The following OR13C8 variants were observed in gnomAD, a reference collection of about 807,000 sequenced individuals.
The protein encoded by OR13C8 is olfactory receptor 13C8.
For synonymous variants in OR13C8, 149 were observed against 143.6 expected (o/e 1.04, Z -0.27); for missense variants, 382 against 388.1 (o/e 0.98, Z 0.13).
rs1564215376 is a variant in OR13C8, at chr9:104,569,391, GTTCCTCTGTCCCAC to G, written c.226_239del (p.Ser76AsnfsTer91). On this transcript the variant is annotated frameshift_variant, in exon 1 of 1. Transcript: ENST00000335040. LOFTEE classifies it low-confidence loss of function (END_TRUNC). The stretch of plus-strand genomic sequence containing the variant: ...TCCTTCCTCGACGTTTGCTACACAA[GTTCCTCTGTCCCAC>G]TAATTCTTGCCAGCTTTCTGGCAGT... 1.1e-5 allele frequency: 18 copies of G among 1,614,188 alleles called. No individual in the cohort carries two copies. In the Middle Eastern group the frequency reaches 2.0e-3, roughly 178 times the overall value.
chr9:104,570,047 C>G lies in OR13C8; in HGVS notation c.880C>G (p.Leu294Val). Residue 294 changes from leucine to valine, a missense_variant, in exon 1 of 1, where the codon CTC becomes GTC. Physicochemically the swap from Leu to Val is conservative, Grantham distance 32 (BLOSUM62 1). Coordinates refer to ENST00000335040, the MANE Select transcript of OR13C8 (RefSeq NM_001004483.1). The part of the protein sequence containing the change: ...YGVMTPMLNP[L>V]IYSLRNKDVK... ...AGTGATGACTCCCATGCTTAATCCTCTCATCTATAGTCTGCGAAACAAGGA... is the reference window on the plus strand; with the variant it reads ...AGTGATGACTCCCATGCTTAATCCTGTCATCTATAGTCTGCGAAACAAGGA... 6.2e-7 allele frequency: 1 copy of G among 1,614,148 alleles called. No individual in the cohort carries two copies. The highest frequency in any genetic ancestry group is 8.5e-7 in the Non-Finnish European group (1 of 1,179,996).
chr9:104,570,034 C>A lies in OR13C8; in HGVS notation c.867C>A (p.Pro289=), dbSNP rs1829160714. ...LISLFYGVMT[P]MLNPLIYSLR... ...CCCTTTTCTATGGAGTGATGACTCC[C>A]ATGCTTAATCCTCTCATCTATAGTC... Residue 289 remains proline, a synonymous_variant, in exon 1 of 1, where the codon CCC becomes CCA. Transcript: ENST00000335040. The A allele has an allele frequency of 6.2e-7, 1 of 1,613,796 alleles. No individual in the cohort carries two copies. Among genetic ancestry groups the A allele is most frequent in the African/African-American group, 1.3e-5 (1 of 74,924 alleles).
chr9:104,569,278 G>T lies in OR13C8; in HGVS notation c.111G>T (p.Met37Ile), dbSNP rs760503352. The change falls in exon 1 of 1, where the codon ATG becomes ATT. Residue 37 changes from methionine (M) to isoleucine (I), a missense_variant. Transcript: ENST00000335040. ...FFVLILWMYL[M>I]ILLGNGVLIS... ...TTCTAATTTTGTGGATGTACCTGAT[G>T]ATCCTGCTTGGAAATGGAGTCCTTA... is the stretch of plus-strand genomic sequence containing the variant. 6.2e-7 allele frequency: 1 copy of T among 1,614,142 alleles called. No individual in the cohort carries two copies. The highest frequency in any genetic ancestry group is 8.5e-7 in the Non-Finnish European group (1 of 1,180,014).
At position 104,569,257 on chromosome 9, in the gene OR13C8, A is replaced by G; in HGVS notation, c.90A>G (p.Leu30=). 1 of 1,614,108 alleles carries G rather than the reference A, an allele frequency of 6.2e-7. No homozygotes were observed. The highest frequency in any genetic ancestry group is 8.5e-7 in the Non-Finnish European group (1 of 1,180,022). The change falls in exon 1 of 1, where the codon CTA becomes CTG. Residue 30 remains leucine, a synonymous_variant. Transcript: ENST00000335040. ...AGCTCCAGACAGTTTTCTTCGTTCT[A>G]ATTTTGTGGATGTACCTGATGATCC... is the stretch of plus-strand genomic sequence containing the variant. ...HPKLQTVFFV[L]ILWMYLMILL... is the part of the protein sequence containing the mutation.
Position 104,569,853 on chromosome 9 carries a change from C to A in OR13C8, c.686C>A (p.Pro229His). Residue 229 changes from proline to histidine, a missense_variant, in exon 1 of 1, where the codon CCT becomes CAT. Transcript: ENST00000335040. The part of the protein sequence containing the change: ...IFIVATILRI[P>H]STEGKHKAFS... ...ATTGTTGCCACTATTCTGAGGATTC[C>A]TTCCACTGAAGGAAAACATAAGGCC... The A allele has an allele frequency of 6.2e-7, 1 of 1,614,100 alleles. No homozygotes were observed. The highest frequency in any genetic ancestry group is 8.5e-7 in the Non-Finnish European group (1 of 1,180,006).
Position 104,569,207 on chromosome 9 carries a change from C to G in OR13C8, c.40C>G (p.Leu14Val). The change falls in exon 1 of 1, where the codon CTG (leucine) becomes GTG (valine). Residue 14 changes from leucine (L) to valine (V), a missense_variant. Transcript: ENST00000335040. ...TNDSTSTEFF[L>V]VGLSAHPKLQ... ...CGATTCCACGTCGACAGAATTTTTC[C>G]TGGTAGGGCTTTCTGCCCACCCAAA... 6.2e-7 allele frequency: 1 copy of G among 1,613,556 alleles called. No homozygotes were observed. The highest frequency in any genetic ancestry group is 1.3e-5 in the African/African-American group (1 of 74,956).
chr9:104,569,876 G>A lies in OR13C8; in HGVS notation c.709G>A (p.Ala237Thr). The A allele has an allele frequency of 6.2e-7, 1 of 1,614,070 alleles. No homozygotes were observed. Among genetic ancestry groups the A allele is most frequent in the Non-Finnish European group, 8.5e-7 (1 of 1,180,018 alleles). Residue 237 changes from alanine to threonine, a missense_variant, in exon 1 of 1, where the codon GCC (alanine) becomes ACC (threonine). Physicochemically the swap from Ala to Thr is moderately conservative, Grantham distance 58. Coordinates refer to ENST00000335040, the MANE Select transcript of OR13C8 (RefSeq NM_001004483.1). ...TCCTTCCACTGAAGGAAAACATAAG[G>A]CCTTCTCCACCTGCTCAGCCCACCT... is the stretch of plus-strand genomic sequence containing the variant. Reference protein sequence around the residue: ...RIPSTEGKHKAFSTCSAHLTV... With the variant: ...RIPSTEGKHKTFSTCSAHLTV...
chr9:104,569,456 T>C lies in OR13C8; in HGVS notation c.289T>C (p.Cys97Arg), dbSNP rs868190039. The C allele has an allele frequency of 1.2e-6, 2 of 1,614,144 alleles. No homozygotes were observed. Among genetic ancestry groups the C allele is most frequent in the Middle Eastern group, 3.3e-4 (2 of 6,062 alleles). The change falls in exon 1 of 1, where the codon TGT (cysteine) becomes CGT (arginine). Residue 97 changes from cysteine (C) to arginine (R), a missense_variant. Physicochemically the swap from Cys to Arg is radical, Grantham distance 180. Transcript: ENST00000335040. ...AVKKKVSFSG[C>R]MVQMFISFAM... ...AAAGAAAAAGGTTTCCTTCTCTGGG[T>C]GTATGGTGCAAATGTTTATTTCTTT... is the stretch of plus-strand genomic sequence containing the variant.
In OR13C8 at chr9:104,569,474, A is replaced by C. The variant is rs1564215450; in HGVS notation, c.307A>C (p.Ile103Leu). ...SFSGCMVQMF[I>L]SFAMGATECM... is the part of the protein sequence containing the mutation. The stretch of plus-strand genomic sequence containing the variant: ...CTCTGGGTGTATGGTGCAAATGTTT[A>C]TTTCTTTTGCCATGGGGGCCACGGA... The change falls in exon 1 of 1, where the codon ATT becomes CTT. Residue 103 changes from isoleucine to leucine, a missense_variant. Physicochemically the swap from Ile to Leu is conservative, Grantham distance 5. Coordinates refer to ENST00000335040, the MANE Select transcript of OR13C8 (RefSeq NM_001004483.1). The C allele has an allele frequency of 6.2e-7, 1 of 1,614,068 alleles. No homozygotes were observed. The highest frequency in any genetic ancestry group is 8.5e-7 in the Non-Finnish European group (1 of 1,179,998).
In OR13C8 at chr9:104,569,751, A is replaced by T. The variant is rs766537503; in HGVS notation, c.584A>T (p.Asn195Ile). Residue 195 changes from asparagine to isoleucine, a missense_variant, in exon 1 of 1, where the codon AAT becomes ATT. By Grantham distance (149) the Asn-to-Ile change is moderately radical. Coordinates refer to ENST00000335040, the MANE Select transcript of OR13C8 (RefSeq NM_001004483.1). ...CTGGCCTGTGCTGATATTTCAATCA[A>T]TGTGATTAGTATGACAGGGTCGAAT... ...LKLACADISI[N>I]VISMTGSNLI... is the part of the protein sequence containing the mutation. The T allele has an allele frequency of 6.2e-7, 1 of 1,614,184 alleles. No individual in the cohort carries two copies. Among genetic ancestry groups the T allele is most frequent in the Non-Finnish European group, 8.5e-7 (1 of 1,180,032 alleles).
Position 104,569,175 on chromosome 9 carries a change from G to A in OR13C8, c.8G>A (p.Arg3Lys). The change falls in exon 1 of 1, where the codon AGG (arginine) becomes AAG (lysine). Residue 3 changes from arginine to lysine, a missense_variant. Physicochemically the swap from Arg to Lys is conservative, Grantham distance 26. Transcript: ENST00000335040. ...GAGATCAGTATATGTAATATGGAAAGGACCAACGATTCCACGTCGACAGAA... is the reference window on the plus strand; with the variant it reads ...GAGATCAGTATATGTAATATGGAAAAGACCAACGATTCCACGTCGACAGAA... MERTNDSTSTEFF... is the reference protein window; with the variant it reads MEKTNDSTSTEFF... 1 of 1,611,774 alleles carries A rather than the reference G, an allele frequency of 6.2e-7. No individual in the cohort carries two copies. Among genetic ancestry groups the A allele is most frequent in the South Asian group, 1.1e-5 (1 of 90,818 alleles).
In OR13C8 at chr9:104,569,681, A is replaced by G; in HGVS notation, c.514A>G (p.Asn172Asp). Residue 172 changes from asparagine (N) to aspartate (D), a missense_variant, in exon 1 of 1, where the codon AAT becomes GAT. Asn to Asp is a conservative substitution (Grantham distance 23, BLOSUM62 1). Transcript: ENST00000335040. ...FAMQLPFCAN[N>D]VIKHFVCEIL... ...AATGCAGTTACCATTCTGTGCTAAT[A>G]ATGTCATTAAACATTTTGTCTGTGA... is the stretch of plus-strand genomic sequence containing the variant. 6.2e-7 allele frequency: 1 copy of G among 1,614,188 alleles called. No homozygotes were observed. The highest frequency in any genetic ancestry group is 8.5e-7 in the Non-Finnish European group (1 of 1,180,042).
rs775497787 is a variant in OR13C8 at position 104,569,379 on chromosome 9, T to G, written c.212T>G (p.Val71Gly). 9.9e-6 allele frequency: 16 copies of G among 1,614,128 alleles called. No homozygotes were observed. Among genetic ancestry groups the G allele is most frequent in the Non-Finnish European group, 1.3e-5 (15 of 1,180,048 alleles). ...FFLCNLSFLD[V>G]CYTSSSVPLI... is the part of the protein sequence containing the mutation. ...CTCTGTAATCTTTCCTTCCTCGACG[T>G]TTGCTACACAAGTTCCTCTGTCCCA... The change falls in exon 1 of 1, where the codon GTT becomes GGT. Residue 71 changes from valine to glycine, a missense_variant. Physicochemically the swap from Val to Gly is moderately radical, Grantham distance 109. Coordinates refer to ENST00000335040, the MANE Select transcript of OR13C8 (RefSeq NM_001004483.1).
In OR13C8 at chr9:104,569,278, G is replaced by A. The variant is rs760503352; in HGVS notation, c.111G>A (p.Met37Ile). 4 of 1,614,024 alleles carry A rather than the reference G, an allele frequency of 2.5e-6. No individual in the cohort carries two copies. The Admixed American group carries it at 5.0e-5, about 20-fold the overall frequency. The part of the protein sequence containing the change: ...FFVLILWMYL[M>I]ILLGNGVLIS... The stretch of plus-strand genomic sequence containing the variant: ...TTCTAATTTTGTGGATGTACCTGAT[G>A]ATCCTGCTTGGAAATGGAGTCCTTA... Residue 37 changes from methionine (M) to isoleucine (I), a missense_variant, in exon 1 of 1, where the codon ATG (methionine) becomes ATA (isoleucine). Met to Ile is a conservative substitution (Grantham distance 10). Coordinates refer to ENST00000335040, the MANE Select transcript of OR13C8 (RefSeq NM_001004483.1).
Position 104,569,749 on chromosome 9 carries a change from C to A in OR13C8, c.582C>A (p.Ile194=), listed in dbSNP as rs755646418. The A allele has an allele frequency of 1.2e-6, 2 of 1,614,162 alleles. No homozygotes were observed. Among genetic ancestry groups the A allele is most frequent in the Non-Finnish European group, 1.7e-6 (2 of 1,180,016 alleles). ...AACTGGCCTGTGCTGATATTTCAAT[C>A]AATGTGATTAGTATGACAGGGTCGA... The part of the protein sequence containing the change: ...ILKLACADIS[I]NVISMTGSNL... The change falls in exon 1 of 1, where the codon ATC becomes ATA. Residue 194 remains isoleucine, a synonymous_variant. Transcript: ENST00000335040.
chr9:104,570,029 A>T lies in OR13C8; in HGVS notation c.862A>T (p.Thr288Ser). ...CATCTCCCTTTTCTATGGAGTGATGACTCCCATGCTTAATCCTCTCATCTA... is the reference window on the plus strand; with the variant it reads ...CATCTCCCTTTTCTATGGAGTGATGTCTCCCATGCTTAATCCTCTCATCTA... ...ALISLFYGVM[T>S]PMLNPLIYSL... Residue 288 changes from threonine to serine, a missense_variant, in exon 1 of 1, where the codon ACT becomes TCT. Thr to Ser is a moderately conservative substitution (Grantham distance 58). Coordinates refer to ENST00000335040, the MANE Select transcript of OR13C8 (RefSeq NM_001004483.1). 1.9e-6 allele frequency: 3 copies of T among 1,614,086 alleles called. No individual in the cohort carries two copies. Among genetic ancestry groups the T allele is most frequent in the South Asian group, 1.1e-5 (1 of 91,074 alleles).
chr9:104,569,385 A>G lies in OR13C8; in HGVS notation c.218A>G (p.Tyr73Cys). The G allele has an allele frequency of 4.3e-6, 7 of 1,614,182 alleles. No individual in the cohort carries two copies. The highest frequency in any genetic ancestry group is 5.9e-6 in the Non-Finnish European group (7 of 1,180,040). Residue 73 changes from tyrosine to cysteine, a missense_variant, in exon 1 of 1, where the codon TAC (tyrosine) becomes TGC (cysteine). Tyr to Cys is a radical substitution (Grantham distance 194). Coordinates refer to ENST00000335040, the MANE Select transcript of OR13C8 (RefSeq NM_001004483.1). The stretch of plus-strand genomic sequence containing the variant: ...AATCTTTCCTTCCTCGACGTTTGCT[A>G]CACAAGTTCCTCTGTCCCACTAATT... ...LCNLSFLDVCYTSSSVPLILA... is the reference protein window; with the variant it reads ...LCNLSFLDVCCTSSSVPLILA...
At position 104,569,245 on chromosome 9, in the gene OR13C8, T is replaced by G; in HGVS notation, c.78T>G (p.Val26=). Residue 26 remains valine (V), a synonymous_variant, in exon 1 of 1, where the codon GTT becomes GTG. Transcript: ENST00000335040. ...GLSAHPKLQT[V]FFVLILWMYL... is the part of the protein sequence containing the mutation. ...CTGCCCACCCAAAGCTCCAGACAGT[T>G]TTCTTCGTTCTAATTTTGTGGATGT... 6.2e-7 allele frequency: 1 copy of G among 1,614,174 alleles called. No individual in the cohort carries two copies. Among genetic ancestry groups the G allele is most frequent in the Non-Finnish European group, 8.5e-7 (1 of 1,180,026 alleles).
rs377719659 is a variant in OR13C8, at chr9:104,569,765, A to C, written c.598A>C (p.Thr200Pro). ...ADISINVISMTGSNLIVLVIP... is the reference protein window; with the variant it reads ...ADISINVISMPGSNLIVLVIP... ...TATTTCAATCAATGTGATTAGTATGACAGGGTCGAATCTGATTGTTCTGGT... is the reference window on the plus strand; with the variant it reads ...TATTTCAATCAATGTGATTAGTATGCCAGGGTCGAATCTGATTGTTCTGGT... The change falls in exon 1 of 1, where the codon ACA becomes CCA. Residue 200 changes from threonine to proline, a missense_variant. Coordinates refer to ENST00000335040, the MANE Select transcript of OR13C8 (RefSeq NM_001004483.1). 4.6e-5 allele frequency: 75 copies of C among 1,614,066 alleles called. 1 individual carries two copies. The highest frequency in any genetic ancestry group is 6.1e-5 in the Non-Finnish European group (72 of 1,180,040).
Sources: allele counts gnomAD v4.1 joint callset, GRCh38; gene constraint gnomAD v4.1.1; transcripts MANE v1.5; gene names NCBI Gene and HGNC (gene_info 2026-07-23, HGNC 2026-07-21).